NTM: variants seen among roughly 807,000 people sequenced by gnomAD.
NTM encodes neurotrimin.
A neutral mutation model predicts 42.1 loss-of-function variants in NTM; 13 were observed. The ratio of observed to expected loss-of-function variants is 0.31; its 90% CI spans 0.20 to 0.49. NTM has a LOEUF of 0.49. Ranked by LOEUF, NTM falls within the 20% of genes least tolerant of loss-of-function variation. The probability of loss-of-function intolerance (pLI) is 0.99; values close to 1 mark genes in which losing one functional copy is unlikely to be tolerated. For missense variants in NTM, 373 were observed against 452.8 expected (o/e 0.82, Z 1.60); for synonymous variants, 187 against 179.2 (o/e 1.04, Z -0.35).
At chr11:131,762,941 T>C (rs989768239) in intron 1 of NTM, among the ~76,000 whole-genome samples, 4 of 152,226 alleles carry the variant, frequency 2.6e-5, no homozygotes, top group Admixed American at 2.6e-4. Flanking sequence ...TGCTGCCTGC[T>C]GCTGGCAGCC....
intron 1 of NTM, among the ~76,000 whole-genome samples, chr11:131,568,270 A>T (rs1217307874): frequency 6.6e-6 from 1 of 152,232 alleles, no homozygotes; most frequent in Admixed American, 6.5e-5. Flanking sequence ...CCTGGACTAT[A>T]CCTCAGTAAA....
intron 1 of NTM, among the ~76,000 whole-genome samples, chr11:131,700,708 C>A (rs1450767336): frequency 6.6e-6 from 1 of 152,200 alleles, no homozygotes; most frequent in African/African-American, 2.4e-5. Flanking sequence ...ACTGATGTAA[C>A]CCTTATTCCC....
intron 2 of NTM, among the ~76,000 whole-genome samples, chr11:131,970,243 C>T (rs531098970): frequency 6.6e-6 from 1 of 152,170 alleles, no homozygotes; most frequent in East Asian, 1.9e-4. Flanking sequence ...ATCATGGCTC[C>T]AATTTTTCTA....
intron 4 of NTM, among the ~76,000 whole-genome samples, chr11:132,220,076 G>A (rs1187290881): frequency 6.6e-6 from 1 of 152,186 alleles, no homozygotes; most frequent in Non-Finnish European, 1.5e-5. Context: ...TATTACAGTA[G>A]TCATTGATGG....
intron 1 of NTM, among the ~76,000 whole-genome samples, chr11:131,430,910 G>T (rs2135908624): frequency 6.6e-6 from 1 of 152,326 alleles, no homozygotes; most frequent in Middle Eastern, 3.4e-3. Flanking sequence ...CTCCCCACAG[G>T]CCCCAAACAT....
In NTM at chr11:131,424,600, C is replaced by CTTTTCTTTTTTTTTTTTTTTTTTTT; in HGVS notation, c.82+53716_82+53717insCTTTTTTTTTTTTTTTTTTTTTTTT. Among the ~76,000 whole-genome samples the CTTTTCTTTTTTTTTTTTTTTTTTTT allele has an allele frequency of 1.0e-3, 56 of 56,048 alleles. 1 individual carries two copies. Among genetic ancestry groups the CTTTTCTTTTTTTTTTTTTTTTTTTT allele is most frequent in the Admixed American group, 1.5e-3 (6 of 4,004 alleles). The allele number at this position is 56,048 out of a possible 152,430, so 36.8% of individuals were successfully genotyped here. On this transcript the variant is annotated intron_variant, in intron 1 of 8. Transcript: ENST00000683400. ...AGTTGTTTTTTATTTCTTTTCTTTT[C>CTTTTCTTTTTTTTTTTTTTTTTTTT]TTTTTTTTTTTTTTTTTTGGCGCAA... is the stretch of plus-strand genomic sequence containing the variant.
At chr11:131,709,969 G>C (rs923750133) in intron 1 of NTM, among the ~76,000 whole-genome samples, 5 of 152,160 alleles carry the variant, frequency 3.3e-5, no homozygotes, top group Non-Finnish European at 7.3e-5. Context: ...ACTGTAAAGA[G>C]GAAATGCTTA....
At chr11:131,699,173 G>A (rs972620757) in intron 1 of NTM, among the ~76,000 whole-genome samples, 14 of 152,192 alleles carry the variant, frequency 9.2e-5, no homozygotes, top group African/African-American at 3.1e-4. Flanking sequence ...CTAGAGCACT[G>A]AATCTGCACA....
At chr11:131,536,365 T>A (rs1433341028) in intron 1 of NTM, 1 of 152,224 alleles carries the variant, frequency 6.6e-6, no homozygotes, top group African/African-American at 2.4e-5. Flanking sequence ...GGAGCACGCA[T>A]TACATTTACT....
chr11:131,960,751 G>A (rs1239398785), intron 2 of NTM, among the ~76,000 whole-genome samples: 1 of 152,180 alleles, frequency 6.6e-6, no homozygotes, highest in African/African-American at 2.4e-5. Flanking sequence ...AGGGTCTACA[G>A]CGTTCCTCTC....
At chr11:131,826,564 T>TAA (rs61647362) in intron 1 of NTM, among the ~76,000 whole-genome samples, 8,996 of 143,468 alleles carry the variant, frequency 0.063, 392 homozygotes, top group Non-Finnish European at 0.091. Flanking sequence ...CGTAATATTC[T>TAA]AAAAAAAAAA....
chr11:132,179,830 A>G (rs1264218696), intron 3 of NTM, among the ~76,000 whole-genome samples: 1 of 151,918 alleles, frequency 6.6e-6, no homozygotes, highest in Non-Finnish European at 1.5e-5. Flanking sequence ...AAGAATGAGG[A>G]ATTTCCTTGA....
At position 132,181,055 on chromosome 11, in the gene NTM, A is replaced by T. The variant is rs367879663; in HGVS notation, c.401-30967A>T. ...AGTGATTGTGCTCAGGACACAAGCA[A>T]TTGCCTATTGCCAAATCTCATGGCA... On this transcript the variant is annotated intron_variant, in intron 3 of 8. Coordinates refer to ENST00000683400, the MANE Select transcript of NTM (RefSeq NM_001352005.2). 1.4e-4 allele frequency among the ~76,000 whole-genome samples: 22 copies of T among 152,306 alleles called. 1 individual carries two copies. The highest frequency in any genetic ancestry group is 5.1e-4 in the African/African-American group (21 of 41,576).
At chr11:132,086,996 A>G (rs140312378) in intron 2 of NTM, among the ~76,000 whole-genome samples, 141 of 152,334 alleles carry the variant, frequency 9.3e-4, no homozygotes, top group African/African-American at 3.2e-3. Flanking sequence ...TCAGAGGTTC[A>G]GGATGCATTC....
chr11:132,187,532 G>A (rs1284956003), intron 3 of NTM, among the ~76,000 whole-genome samples: 2 of 152,162 alleles, frequency 1.3e-5, no homozygotes, highest in African/African-American at 4.8e-5. Context: ...ATTCATTACA[G>A]TGCTCAGGCT....
intron 2 of NTM, among the ~76,000 whole-genome samples, chr11:132,067,780 C>T (rs923673628): frequency 2.6e-5 from 4 of 152,180 alleles, no homozygotes; most frequent in East Asian, 1.9e-4. Flanking sequence ...AAAGCTCAGC[C>T]CTCACAGTCA....
At chr11:131,925,848 C>T (rs933188343) in intron 2 of NTM, among the ~76,000 whole-genome samples, 1 of 152,154 alleles carries the variant, frequency 6.6e-6, no homozygotes, top group African/African-American at 2.4e-5. Flanking sequence ...GGGCAAGATT[C>T]AGGTGCCTCG....
Position 132,161,680 on chromosome 11 carries a change from C to T in NTM, c.400+15166C>T, listed in dbSNP as rs186961606. ...CTGGCGCCCCCTTGCCAGTTGCCAT[C>T]CCTCTGTTTCACCCAGTGTCCGCTT... On this transcript the variant is annotated intron_variant, in intron 3 of 8. Coordinates refer to ENST00000683400, the MANE Select transcript of NTM (RefSeq NM_001352005.2). Among the ~76,000 whole-genome samples the T allele has an allele frequency of 3.9e-5, 6 of 152,128 alleles. No individual in the cohort carries two copies. In the East Asian group the frequency reaches 9.8e-4, roughly 25 times the overall value.
chr11:132,127,073 C>T (rs549769760), intron 2 of NTM, among the ~76,000 whole-genome samples: 3 of 152,236 alleles, frequency 2.0e-5, no homozygotes, highest in Admixed American at 2.0e-4. Context: ...TTTTCTGGTG[C>T]GTTCTCCCAA....
Sources: gnomAD v4.1 joint callset for allele counts (sites outside exome capture counted in the v4.1 genomes callset) on GRCh38, gnomAD v4.1.1 for gene constraint, MANE v1.5 for transcripts, NCBI Gene and HGNC (gene_info 2026-07-23, HGNC 2026-07-21) for gene names.